CHRDL2: variants seen among roughly 807,000 people sequenced by gnomAD.
CHRDL2 encodes the protein chordin-like protein 2.
CHRDL2 carries 41 observed loss-of-function variants against 54.3 expected under a neutral mutation model. The ratio of observed to expected loss-of-function variants is 0.76; its 90% CI spans 0.59 to 0.98. The LOEUF (loss-of-function observed/expected upper bound fraction) is 0.98, where lower values mean the gene tolerates loss of function less well. CHRDL2 is among the 50% of genes least tolerant of loss of function. The pLI is 0.00. For synonymous variants in CHRDL2, 220 were observed against 224.3 expected, an observed-to-expected ratio of 0.98 and a Z score of 0.17; for missense variants, 518 against 562.4, an observed-to-expected ratio of 0.92 and a Z score of 0.80.
In CHRDL2 at chr11:74,710,849, T is replaced by C. The variant is rs139611565; in HGVS notation, c.432A>G (p.Thr144=). The part of the protein sequence containing the change: ...LPNQCVLCSC[T]EGQIYCGLTT... ...CTGAAGGGAAGGCAGGAGTTCTTAC[T>C]GTGCAGCTGCAGAGGACACACTGGT... The change falls in exon 4 of 11, where the codon ACA becomes ACG. Residue 144 remains threonine (T), a splice_region_variant and synonymous_variant. Transcript: ENST00000376332. 347 of 1,614,000 alleles carry C rather than the reference T, an allele frequency of 2.1e-4. No individual in the cohort carries two copies. Among genetic ancestry groups the C allele is most frequent in the Middle Eastern group, 9.9e-4 (6 of 6,062 alleles).
At chr11:74,697,475 C>G (rs2033639055) in intron 9 of CHRDL2, 178 bp from the exon 10 acceptor site, 1 of 611,968 alleles carries the variant, frequency 1.6e-6, no homozygotes, top group Non-Finnish European at 3.0e-6. Flanking sequence ...TCTCCTATCT[C>G]TCTGCCACTA....
At chr11:74,716,948 G>A (rs1333294948) in intron 2 of CHRDL2, among the ~76,000 whole-genome samples, 1 of 152,138 alleles carries the variant, frequency 6.6e-6, no homozygotes, top group African/African-American at 2.4e-5. Context: ...ACAAAAATTA[G>A]CTGGGCATGG....
chr11:74,699,830 C>A (rs2033741234), intron 9 of CHRDL2, among the ~76,000 whole-genome samples: 1 of 152,200 alleles, frequency 6.6e-6, no homozygotes, highest in South Asian at 2.1e-4. Context: ...TGTTTTAACT[C>A]CCACGGTCTG....
intron 8 of CHRDL2, 24 bp downstream of exon 8, chr11:74,703,281 C>T (rs761043488): frequency 6.9e-5 from 108 of 1,571,744 alleles, no homozygotes; most frequent in Non-Finnish European, 9.1e-5. Flanking sequence ...CAGCGCCCTC[C>T]TTGCTCCCAG....
chr11:74,731,323 C>A lies in CHRDL2; in HGVS notation c.-435G>T. 1.3e-5 allele frequency: 2 copies of A among 148,256 alleles called. No individual in the cohort carries two copies. Among genetic ancestry groups the A allele is most frequent in the South Asian group, 3.6e-4 (2 of 5,584 alleles). The allele number at this position is 148,256 out of a possible 1,614,324, so 9.2% of individuals were successfully genotyped here. On this transcript the variant is annotated 5_prime_UTR_variant, in exon 1 of 11. Coordinates refer to ENST00000376332, the MANE Select transcript of CHRDL2 (RefSeq NM_001278473.3). This position sits in a 1 kb window ranked among gnomAD's most constrained non-coding sequence, Gnocchi z 4.4. ...GCCCCCTGCTCGGTGGGCTCGGGGT[C>A]GGGCCGCGGGGGCCTGGGGCCCGGC...
intron 1 of CHRDL2, among the ~76,000 whole-genome samples, chr11:74,728,527 T>TG (rs1484841103): frequency 1.8e-5 from 2 of 110,944 alleles, no homozygotes; most frequent in Non-Finnish European, 3.5e-5. Context: ...CTGTTCTGTT[T>TG]TTTGTTGTTG....
intron 4 of CHRDL2, 22 bp from the exon 5 acceptor site, chr11:74,708,417 C>T: frequency 6.5e-7 from 1 of 1,529,134 alleles, no homozygotes; most frequent in Non-Finnish European, 8.8e-7. Flanking sequence ...AGCAAACCAG[C>T]TGGGAAATGA....
chr11:74,715,264 G>C (rs532788352), intron 2 of CHRDL2, among the ~76,000 whole-genome samples: 1 of 152,288 alleles, frequency 6.6e-6, no homozygotes, highest in East Asian at 1.9e-4. Flanking sequence ...CAAGGTTTCT[G>C]CCCTCCCGGA....
At position 74,730,866 on chromosome 11, in the gene CHRDL2, A is replaced by T; in HGVS notation, c.23T>A (p.Leu8His). Residue 8 changes from leucine to histidine, a missense_variant, in exon 1 of 11, where the codon CTC (leucine) becomes CAC (histidine). By Grantham distance (99) the Leu-to-His change is moderately conservative. Coordinates refer to ENST00000376332, the MANE Select transcript of CHRDL2 (RefSeq NM_001278473.3). MVPEVRV[L>H]SSLLGLALLW... ...CAGCGCGAGTCCCAGCAAGGAGGAG[A>T]GGACCCTCACCTCGGGAACCATCCT... 1 of 1,612,340 alleles carries T rather than the reference A, an allele frequency of 6.2e-7. No homozygotes were observed. Among genetic ancestry groups the T allele is most frequent in the Non-Finnish European group, 8.5e-7 (1 of 1,179,464 alleles).
rs2033635503 is a variant in CHRDL2, at chr11:74,697,377, A to G, written c.1121-80T>C. ...AAAGTGAAACAGGGTGACTTAGCACAGAACGGACCCAATCACTCCCTCCCC... is the reference window on the plus strand; with the variant it reads ...AAAGTGAAACAGGGTGACTTAGCACGGAACGGACCCAATCACTCCCTCCCC... On this transcript the variant is annotated intron_variant, in intron 9 of 10. Transcript: ENST00000376332. 4.1e-6 allele frequency: 4 copies of G among 986,574 alleles called. No homozygotes were observed. In the African/African-American group the frequency reaches 4.7e-5, roughly 12 times the overall value. 61.1% of individuals were successfully genotyped at this position (986,574 alleles called of 1,614,324 possible).
intron 2 of CHRDL2, 36 bp downstream of exon 2, chr11:74,718,684 C>T (rs2034425181): frequency 1.4e-6 from 2 of 1,427,178 alleles, no homozygotes; most frequent in East Asian, 2.3e-5. Context: ...CTCAGACATC[C>T]CTGACACAGG....
At chr11:74,708,454 C>G in intron 4 of CHRDL2, 59 bp from the exon 5 acceptor site, 1 of 1,287,442 alleles carries the variant, frequency 7.8e-7, no homozygotes, top group East Asian at 2.8e-5. Flanking sequence ...GCCTTGGGGG[C>G]TAGGAACACC....
chr11:74,709,725 G>A (rs1418497946), intron 4 of CHRDL2, among the ~76,000 whole-genome samples: 1 of 152,218 alleles, frequency 6.6e-6, no homozygotes, highest in East Asian at 1.9e-4. Flanking sequence ...AGGTCACACA[G>A]GGAACTGGGA....
intron 3 of CHRDL2, 55 bp downstream of exon 3, chr11:74,713,331 A>G: frequency 6.7e-7 from 1 of 1,491,798 alleles, no homozygotes; most frequent in Non-Finnish European, 9.3e-7. Flanking sequence ...CTAGAGGGCT[A>G]CACTGGGAGT....
Position 74,730,842 on chromosome 11 carries a change from A to T in CHRDL2, c.47T>A (p.Leu16Gln). The change falls in exon 1 of 11, where the codon CTG becomes CAG. Residue 16 changes from leucine to glutamine, a missense_variant. By Grantham distance (113) the Leu-to-Gln change is moderately radical. Transcript: ENST00000376332. Reference protein sequence around the residue: ...RVLSSLLGLALLWFPLDSHAR... With the variant: ...RVLSSLLGLAQLWFPLDSHAR... Reference sequence around the variant, plus strand: ...GTGGGAGTCCAGGGGGAACCAGAGCAGCGCGAGTCCCAGCAAGGAGGAGAG... The same window carrying T: ...GTGGGAGTCCAGGGGGAACCAGAGCTGCGCGAGTCCCAGCAAGGAGGAGAG... The T allele has an allele frequency of 6.2e-7, 1 of 1,613,032 alleles. No individual in the cohort carries two copies. The highest frequency in any genetic ancestry group is 8.5e-7 in the Non-Finnish European group (1 of 1,179,714).
At chr11:74,700,075 A>G (rs1376687937) in intron 9 of CHRDL2, among the ~76,000 whole-genome samples, 1 of 152,240 alleles carries the variant, frequency 6.6e-6, no homozygotes, top group African/African-American at 2.4e-5. Context: ...TGGAGGTGGC[A>G]CTGGGGACAG....
At chr11:74,713,993 G>C (rs2135261700) in intron 2 of CHRDL2, among the ~76,000 whole-genome samples, 1 of 152,264 alleles carries the variant, frequency 6.6e-6, no homozygotes, top group South Asian at 2.1e-4. Flanking sequence ...AAAGCCTTTG[G>C]AGTTGGCACC....
chr11:74,711,290 G>A (rs1185399867), intron 3 of CHRDL2, among the ~76,000 whole-genome samples: 5 of 152,138 alleles, frequency 3.3e-5, no homozygotes, highest in East Asian at 3.9e-4. Context: ...CTCAGCTTCC[G>A]CTCAGTGGGG....
chr11:74,700,708 A>G (rs924824299), intron 9 of CHRDL2, among the ~76,000 whole-genome samples: 9 of 149,070 alleles, frequency 6.0e-5, no homozygotes, highest in Non-Finnish European at 1.3e-4. Context: ...GCACGATCTT[A>G]GCTCACTGCA....
Sources: allele counts gnomAD v4.1 joint callset (sites outside exome capture counted in the v4.1 genomes callset), GRCh38; gene constraint gnomAD v4.1.1; non-coding constraint Gnocchi (gnomAD v3.1); transcripts MANE v1.5; gene names NCBI Gene and HGNC (gene_info 2026-07-23, HGNC 2026-07-21).